The following JAKMIP3 variants were observed in gnomAD, a reference collection of about 807,000 sequenced individuals.
JAKMIP3 encodes Janus kinase and microtubule interacting protein 3.
A neutral mutation model predicts 118.5 loss-of-function variants in JAKMIP3; 58 were observed. The ratio of observed to expected loss-of-function variants is 0.49; its 90% CI spans 0.40 to 0.61. The LOEUF (loss-of-function observed/expected upper bound fraction) is 0.61. Among genes scored for constraint, JAKMIP3 ranks in the 20% least tolerant of loss-of-function variants. JAKMIP3 has a pLI of 0.00. For missense variants in JAKMIP3, 950 were observed against 1,109.0 expected (o/e 0.86, Z 2.04); for synonymous variants, 486 against 451.2 (o/e 1.08, Z -0.98).
chr10:132,041,545 C>CT (rs1301234784), intron 1 of JAKMIP3, among the ~76,000 whole-genome samples: 1 of 152,264 alleles, frequency 6.6e-6, no homozygotes, highest in Non-Finnish European at 1.5e-5. Context: ...GGTGCATCTT[C>CT]TGGTGTTGGG....
At position 132,081,879 on chromosome 10, in the gene JAKMIP3, A is replaced by C. The variant is rs1470591330; in HGVS notation, c.-138+15818A>C. Among the ~76,000 whole-genome samples, 2 of 151,742 alleles carry C rather than the reference A, an allele frequency of 1.3e-5. 1 individual carries two copies. The highest frequency in any genetic ancestry group is 2.9e-5 in the Non-Finnish European group (2 of 67,934). On this transcript the variant is annotated intron_variant, in intron 1 of 23. Transcript: ENST00000684848. ...CGGCCTCATTGATTTGGGTCTTTTT[A>C]AATCTCCATGTCTCTTCTTAACCGG...
intron 3 of JAKMIP3, among the ~76,000 whole-genome samples, chr10:132,124,812 A>G (rs189674894): frequency 3.3e-4 from 51 of 152,304 alleles, no homozygotes; most frequent in Admixed American, 3.0e-3. Flanking sequence ...TCACCTCAAG[A>G]CAGAAGAGCC....
At chr10:132,088,727 C>T (rs11146157) in intron 1 of JAKMIP3, among the ~76,000 whole-genome samples, 53,715 of 151,792 alleles carry the variant, frequency 0.35, 9,923 homozygotes, top group African/African-American at 0.47. Context: ...TCCCATTTGT[C>T]AATTTTGGCT....
chr10:132,070,322 AT>A (rs999592635), intron 1 of JAKMIP3, among the ~76,000 whole-genome samples: 15 of 152,034 alleles, frequency 9.9e-5, no homozygotes, highest in African/African-American at 3.6e-4. Context: ...TAAATTTTGT[AT>A]TTTTAGTAGA....
At chr10:132,080,923 TATGCCCTGTG>T (rs2041685237) in intron 1 of JAKMIP3, among the ~76,000 whole-genome samples, 1 of 152,238 alleles carries the variant, frequency 6.6e-6, no homozygotes, top group South Asian at 2.1e-4. Flanking sequence ...GCCTGTTGAT[TATGCCCTGTG>T]ATGCACAAAA....
At chr10:132,094,016 C>A (rs2043486934) in intron 1 of JAKMIP3, among the ~76,000 whole-genome samples, 2 of 146,820 alleles carry the variant, frequency 1.4e-5, no homozygotes, top group Admixed American at 1.4e-4. Flanking sequence ...CAGCTCACTG[C>A]AACCTCTGCC....
At position 132,183,624 on chromosome 10, in the gene JAKMIP3, G is replaced by T. The variant is rs1474228855; in HGVS notation, c.*2371G>T. ...ATATAGGAACGGGAGAAGGTGCAAGGAATGTGCTGAATAACATCCAAACTG... is the reference window on the plus strand; with the variant it reads ...ATATAGGAACGGGAGAAGGTGCAAGTAATGTGCTGAATAACATCCAAACTG... On this transcript the variant is annotated 3_prime_UTR_variant, in exon 24 of 24. Transcript: ENST00000684848. 1 of 152,204 alleles carries T rather than the reference G, an allele frequency of 6.6e-6. No homozygotes were observed. Among genetic ancestry groups the T allele is most frequent in the Non-Finnish European group, 1.5e-5 (1 of 68,032 alleles). 9.4% of individuals were successfully genotyped at this position (152,204 alleles called of 1,614,324 possible).
Position 132,133,416 on chromosome 10 carries a change from A to G in JAKMIP3, c.738A>G (p.Leu246=), listed in dbSNP as rs1338909234. The G allele has an allele frequency of 1.0e-5, 16 of 1,596,202 alleles. No individual in the cohort carries two copies. The highest frequency in any genetic ancestry group is 1.3e-5 in the African/African-American group (1 of 74,636). ...GACTGCAGCTCCAAAAAGAGGCTCT[A>G]GATGAGCAGCTGTCCCAGGTCCGAG... ...AQRLQLQKEA[L]DEQLSQVREA... Residue 246 remains leucine, a synonymous_variant, in exon 4 of 24, where the codon CTA becomes CTG. Transcript: ENST00000684848.
At position 132,139,210 on chromosome 10, in the gene JAKMIP3, GTA is replaced by G. The variant is rs1491349203; in HGVS notation, c.1344+1034_1344+1035del. Among the ~76,000 whole-genome samples, 37 of 105,522 alleles carry G rather than the reference GTA, an allele frequency of 3.5e-4. 4 individuals carry two copies. The highest frequency in any genetic ancestry group is 2.6e-4 in the African/African-American group (7 of 26,740). The allele number at this position is 105,522 out of a possible 152,430, so 69.2% of individuals were successfully genotyped here. ...TATGTGTGTGTATGAGTGTGTGTGT[GTA>G]TGTGTGTACATGTGAGTGTATATGC... is the stretch of plus-strand genomic sequence containing the variant. On this transcript the variant is annotated intron_variant, in intron 9 of 23. Coordinates refer to ENST00000684848, the MANE Select transcript of JAKMIP3 (RefSeq NM_001323087.2).
chr10:132,095,392 G>C (rs1229121188), intron 1 of JAKMIP3, among the ~76,000 whole-genome samples: 2 of 152,208 alleles, frequency 1.3e-5, no homozygotes, highest in South Asian at 2.1e-4. Flanking sequence ...AGCCCACAGG[G>C]CTTTTCCCAC....
chr10:132,039,994 A>G (rs1375255421), intron 1 of JAKMIP3, among the ~76,000 whole-genome samples: 1 of 152,242 alleles, frequency 6.6e-6, no homozygotes, highest in Admixed American at 6.5e-5. Flanking sequence ...TGGGATGAAG[A>G]CAATCAGTAC....
chr10:132,041,538 G>A (rs1485631477), intron 1 of JAKMIP3, among the ~76,000 whole-genome samples: 1 of 152,250 alleles, frequency 6.6e-6, no homozygotes, highest in Admixed American at 6.5e-5. Flanking sequence ...CCTAGGAGGT[G>A]CATCTTCTGG....
intron 1 of JAKMIP3, among the ~76,000 whole-genome samples, chr10:132,058,143 G>A (rs2038295364): frequency 6.6e-6 from 1 of 152,212 alleles, no homozygotes; most frequent in Admixed American, 6.5e-5. Flanking sequence ...ACCGACCTAT[G>A]GGAACAAGGC....
At chr10:132,122,890 C>T (rs1386703696) in intron 3 of JAKMIP3, among the ~76,000 whole-genome samples, 2 of 152,174 alleles carry the variant, frequency 1.3e-5, no homozygotes, top group Non-Finnish European at 2.9e-5. Flanking sequence ...TTGCCCTGTA[C>T]GTGTCAGAAT....
In JAKMIP3 at chr10:132,066,030, G is replaced by A. The variant is rs1470053529; in HGVS notation, c.-169G>A. The stretch of plus-strand genomic sequence containing the variant: ...GATTCTCACAGTCGAGCAGAGCGAT[G>A]GGAGAGAGGAGCAGACAGCGAGCTT... On this transcript the variant is annotated 5_prime_UTR_variant, in exon 1 of 24. An upstream start codon of the reference 5' UTR is lost. Coordinates refer to ENST00000684848, the MANE Select transcript of JAKMIP3 (RefSeq NM_001323087.2). Among the ~76,000 whole-genome samples the A allele has an allele frequency of 6.6e-6, 1 of 152,220 alleles. No individual in the cohort carries two copies. Among genetic ancestry groups the A allele is most frequent in the African/African-American group, 2.4e-5 (1 of 41,464 alleles).
At position 132,117,399 on chromosome 10, in the gene JAKMIP3, A is replaced by G. The variant is rs373128130; in HGVS notation, c.458A>G (p.Lys153Arg). Reference protein sequence around the residue: ...AKKGFEVEKVKMQQEISELKG... With the variant: ...AKKGFEVEKVRMQQEISELKG... Reference sequence around the variant, plus strand: ...AAGGGGTTCGAGGTGGAGAAGGTCAAGATGCAGCAGGAGATCTCCGAGCTC... The same window carrying G: ...AAGGGGTTCGAGGTGGAGAAGGTCAGGATGCAGCAGGAGATCTCCGAGCTC... Residue 153 changes from lysine to arginine, a missense_variant, in exon 3 of 24, where the codon AAG (lysine) becomes AGG (arginine). Coordinates refer to ENST00000684848, the MANE Select transcript of JAKMIP3 (RefSeq NM_001323087.2). The surrounding 1 kb of genome is among the most constrained non-coding windows in gnomAD (Gnocchi z 8.6). The G allele has an allele frequency of 6.2e-7, 1 of 1,613,902 alleles. No homozygotes were observed. Among genetic ancestry groups the G allele is most frequent in the Non-Finnish European group, 8.5e-7 (1 of 1,179,906 alleles).
chr10:132,045,533 C>T (rs1380494881), intron 1 of JAKMIP3, among the ~76,000 whole-genome samples: 2 of 152,062 alleles, frequency 1.3e-5, no homozygotes, highest in Non-Finnish European at 2.9e-5. Flanking sequence ...AAGGAGAGCC[C>T]GCGGTGTGAG....
At chr10:132,145,372 C>T in intron 12 of JAKMIP3, 146 bp from the exon 13 acceptor site, 1 of 926,676 alleles carries the variant, frequency 1.1e-6, no homozygotes, top group East Asian at 2.6e-5. Flanking sequence ...TGCCACCACG[C>T]CCGGCTAATT....
At chr10:132,037,842 C>A (rs2037563403) in intron 1 of JAKMIP3, among the ~76,000 whole-genome samples, 1 of 152,042 alleles carries the variant, frequency 6.6e-6, no homozygotes, top group Non-Finnish European at 1.5e-5. Flanking sequence ...AGGCTTCCCC[C>A]TACCCCTGCC....
Sources: allele counts gnomAD v4.1 joint callset (sites outside exome capture counted in the v4.1 genomes callset), GRCh38; gene constraint gnomAD v4.1.1; non-coding constraint Gnocchi (gnomAD v3.1); transcripts MANE v1.5; gene names NCBI Gene and HGNC (gene_info 2026-07-23, HGNC 2026-07-21).